The following IKZF3 variants were observed in gnomAD, a reference collection of about 807,000 sequenced individuals.
The protein encoded by IKZF3 is IKAROS family zinc finger 3.
A neutral mutation model predicts 49.0 loss-of-function variants in IKZF3; 10 were observed. The observed-to-expected ratio is 0.20, with a 90% CI of 0.13 to 0.35. The LOEUF (loss-of-function observed/expected upper bound fraction) is 0.35, where lower values mean the gene tolerates loss of function less well. IKZF3 is among the 10% of genes least tolerant of loss of function. The pLI is 1.00. For synonymous variants in IKZF3, 209 were observed against 228.2 expected, an observed-to-expected ratio of 0.92 and a Z score of 0.76; for missense variants, 498 against 664.8, an observed-to-expected ratio of 0.75 and a Z score of 2.76.
chr17:39,831,370 G>T (rs1026519163), intron 2 of IKZF3, among the ~76,000 whole-genome samples: 5 of 150,620 alleles, frequency 3.3e-5, no homozygotes. Flanking sequence ...GCGAAATTCC[G>T]TCTCAAAAAA....
chr17:39,791,110 T>C (rs557182784), intron 5 of IKZF3, among the ~76,000 whole-genome samples: 1 of 152,160 alleles, frequency 6.6e-6, no homozygotes, highest in African/African-American at 2.4e-5. Context: ...CAGAAGAAAA[T>C]ACTGATGGCT....
chr17:39,834,018 T>G (rs1353211057), intron 1 of IKZF3, among the ~76,000 whole-genome samples: 2 of 152,242 alleles, frequency 1.3e-5, no homozygotes, highest in Non-Finnish European at 2.9e-5. Flanking sequence ...CTCCTCTTGG[T>G]TGGGACAGTT....
intron 1 of IKZF3, among the ~76,000 whole-genome samples, chr17:39,847,269 G>C (rs1033979253): frequency 6.6e-6 from 1 of 152,008 alleles, no homozygotes; most frequent in Non-Finnish European, 1.5e-5. Flanking sequence ...AGTTCTGTAG[G>C]ATGAAAAATG....
intron 4 of IKZF3, 68 bp from the exon 5 acceptor site, chr17:39,791,651 T>A (rs1252317532): frequency 4.7e-6 from 7 of 1,482,268 alleles, no homozygotes; most frequent in Non-Finnish European, 5.6e-6. Context: ...ACAGATTAGA[T>A]GCCTAGGGGA....
intron 3 of IKZF3, among the ~76,000 whole-genome samples, chr17:39,825,601 G>T (rs886379103): frequency 5.3e-5 from 8 of 152,166 alleles, no homozygotes; most frequent in African/African-American, 1.7e-4. Flanking sequence ...TAGGCTTGGT[G>T]TGTGAGAATT....
intron 1 of IKZF3, 29 bp from the exon 2 acceptor site, chr17:39,832,180 C>T: frequency 1.9e-6 from 3 of 1,541,406 alleles, no homozygotes; most frequent in Middle Eastern, 3.4e-4. Context: ...TAAATATTAG[C>T]TACTTAGGGT....
chr17:39,825,832 G>T (rs750318747), intron 3 of IKZF3, among the ~76,000 whole-genome samples: 2 of 152,164 alleles, frequency 1.3e-5, no homozygotes, highest in Non-Finnish European at 2.9e-5. Flanking sequence ...GGAGAGCATT[G>T]CCCAGAAGAG....
At chr17:39,841,181 A>C (rs1402157550) in intron 1 of IKZF3, among the ~76,000 whole-genome samples, 1 of 150,834 alleles carries the variant, frequency 6.6e-6, no homozygotes, top group Non-Finnish European at 1.5e-5. Context: ...TCTGGAACAA[A>C]AAAAAAAAGG....
intron 1 of IKZF3, among the ~76,000 whole-genome samples, chr17:39,837,055 C>G (rs1163679364): frequency 6.6e-6 from 1 of 151,966 alleles, no homozygotes; most frequent in East Asian, 1.9e-4. Flanking sequence ...CCTCAGCCTC[C>G]CAAGTAACTA....
intron 1 of IKZF3, among the ~76,000 whole-genome samples, chr17:39,850,934 TAC>T (rs1328279623): frequency 1.4e-3 from 187 of 134,528 alleles, no homozygotes; most frequent in African/African-American, 5.4e-3. Flanking sequence ...ATATTATATA[TAC>T]GTGTATATAT....
At chr17:39,836,886 G>GA (rs2062301024) in intron 1 of IKZF3, among the ~76,000 whole-genome samples, 1 of 152,166 alleles carries the variant, frequency 6.6e-6, no homozygotes, top group African/African-American at 2.4e-5. Flanking sequence ...AGATTAAAAT[G>GA]AAAAAATAGT....
chr17:39,813,537 T>C (rs779975780), intron 3 of IKZF3, among the ~76,000 whole-genome samples: 30 of 151,528 alleles, frequency 2.0e-4, no homozygotes, highest in Non-Finnish European at 3.7e-4. Context: ...ACAGCTACTC[T>C]GGAGTCTCGG....
At chr17:39,849,031 C>G (rs189238132) in intron 1 of IKZF3, among the ~76,000 whole-genome samples, 1 of 152,186 alleles carries the variant, frequency 6.6e-6, no homozygotes, top group African/African-American at 2.4e-5. Context: ...AAAAAAGAAG[C>G]TGATAAATTA....
intron 3 of IKZF3, among the ~76,000 whole-genome samples, chr17:39,800,235 G>C (rs143438390): frequency 2.6e-5 from 4 of 152,226 alleles, no homozygotes; most frequent in African/African-American, 7.2e-5. Flanking sequence ...AGGTTTCTTA[G>C]ACATACATCT....
rs182729140 is a variant in IKZF3 at position 39,853,896 on chromosome 17, G to A, written c.7+10224C>T. Among the ~76,000 whole-genome samples the A allele has an allele frequency of 9.9e-5, 15 of 151,640 alleles. No individual in the cohort carries two copies. In the East Asian group the frequency reaches 1.2e-3, roughly 12 times the overall value. ...TGTAATCCCAGCACTTTGGGAGGCC[G>A]AGGAAGGTGGATCACGAGGTCTGGA... On this transcript the variant is annotated intron_variant, in intron 1 of 7. Transcript: ENST00000346872.
intron 3 of IKZF3, among the ~76,000 whole-genome samples, chr17:39,812,437 G>A (rs1305278140): frequency 6.6e-6 from 1 of 152,012 alleles, no homozygotes. Flanking sequence ...ATCGGGGAAG[G>A]GCTTATTTGT....
At chr17:39,847,980 A>T (rs1432483780) in intron 1 of IKZF3, among the ~76,000 whole-genome samples, 1 of 152,222 alleles carries the variant, frequency 6.6e-6, no homozygotes, top group Non-Finnish European at 1.5e-5. Flanking sequence ...TTAATTTCAA[A>T]CACCCTAACT....
Position 39,766,030 on chromosome 17 carries a change from G to A in IKZF3, c.1290C>T (p.Pro430=), listed in dbSNP as rs774672606. The A allele has an allele frequency of 3.1e-6, 5 of 1,614,210 alleles. No homozygotes were observed. Among genetic ancestry groups the A allele is most frequent in the Non-Finnish European group, 4.2e-6 (5 of 1,180,032 alleles). Residue 430 remains proline, a synonymous_variant, in exon 8 of 8, where the codon CCC becomes CCT. Transcript: ENST00000346872. The part of the protein sequence containing the change: ...EVPRSYELLK[P]PPICPRDSVK... ...CGGAGTCTCTTGGGCAGATGGGCGG[G>A]GGCTTGAGGAGTTCGTAAGAGCGGG...
chr17:39,767,427 C>G (rs1454256603), intron 7 of IKZF3, among the ~76,000 whole-genome samples: 2 of 152,042 alleles, frequency 1.3e-5, no homozygotes, highest in East Asian at 3.9e-4. Flanking sequence ...GGCAGATGTG[C>G]TCAGTGGTGA....
Sources: allele counts gnomAD v4.1 joint callset (sites outside exome capture counted in the v4.1 genomes callset), GRCh38; gene constraint gnomAD v4.1.1; transcripts MANE v1.5; gene names NCBI Gene and HGNC (gene_info 2026-07-23, HGNC 2026-07-21).